TENM3: variants seen among roughly 807,000 people sequenced by gnomAD.
The protein encoded by TENM3 is teneurin-3.
Under a neutral mutation model 255.1 loss-of-function variants are expected in TENM3, and 63 were observed. The ratio of observed to expected loss-of-function variants is 0.25; its 90% CI spans 0.20 to 0.30. The LOEUF is 0.30. TENM3 is among the 10% of genes least tolerant of loss of function. TENM3 has a pLI of 1.00. For synonymous variants in TENM3, 1,306 were observed against 1,322.3 expected (o/e 0.99, Z 0.27); for missense variants, 2,929 against 3,461.1 (o/e 0.85, Z 3.86).
At chr4:181,600,012 A>T in the TENM3 span, among the ~76,000 whole-genome samples, 1 of 152,092 alleles carries the variant, frequency 6.6e-6, no homozygotes, top group Non-Finnish European at 1.5e-5. Context: ...CTTCTAACCC[A>T]CATCCGTGTG....
At chr4:182,767,572 G>A (rs144037667) in intron 22 of TENM3, among the ~76,000 whole-genome samples, 11 of 152,154 alleles carry the variant, frequency 7.2e-5, no homozygotes, top group African/African-American at 2.7e-4. Context: ...TGTATAAAAT[G>A]TGTGTGTGTG....
At chr4:182,417,114 C>T (rs1770432216) in intron 3 of TENM3, among the ~76,000 whole-genome samples, 1 of 152,054 alleles carries the variant, frequency 6.6e-6, no homozygotes, top group Admixed American at 6.5e-5. Flanking sequence ...GCTGGGATTA[C>T]AGGCGCCTGC....
At chr4:182,697,591 A>G (rs1292516029) in intron 12 of TENM3, among the ~76,000 whole-genome samples, 2 of 152,312 alleles carry the variant, frequency 1.3e-5, no homozygotes, top group Non-Finnish European at 2.9e-5. Context: ...AGCCCCCTTC[A>G]GAACTCGGGA....
chr4:182,162,008 A>G (rs1306020045), intron 1 of TENM3, among the ~76,000 whole-genome samples: 1 of 136,756 alleles, frequency 7.3e-6, no homozygotes, highest in African/African-American at 2.7e-5. Context: ...ATGCAAACAT[A>G]CATCCACTAA....
chr4:181,889,397 G>A, the TENM3 span, among the ~76,000 whole-genome samples: 12 of 152,204 alleles, frequency 7.9e-5, 1 homozygote, highest in Admixed American at 7.9e-4. Context: ...GCAGATGCTG[G>A]CACCACCCTG....
At chr4:181,853,755 A>G in the TENM3 span, among the ~76,000 whole-genome samples, 1 of 140,604 alleles carries the variant, frequency 7.1e-6, no homozygotes, top group Non-Finnish European at 1.6e-5. Flanking sequence ...ATACTGGGGG[A>G]AAAAACGGTC....
At chr4:182,357,969 T>C (rs1170084106) in intron 3 of TENM3, among the ~76,000 whole-genome samples, 3 of 150,230 alleles carry the variant, frequency 2.0e-5, no homozygotes, top group Admixed American at 6.6e-5. Context: ...ATTTATTAAA[T>C]AGGGAATCCT....
chr4:181,622,303 A>C, the TENM3 span, among the ~76,000 whole-genome samples: 6 of 152,140 alleles, frequency 3.9e-5, no homozygotes, highest in African/African-American at 1.4e-4. Context: ...GTACTCACCA[A>C]ACACAATACT....
intron 3 of TENM3, among the ~76,000 whole-genome samples, chr4:182,362,146 T>C (rs1766046069): frequency 6.6e-6 from 1 of 152,122 alleles, no homozygotes; most frequent in East Asian, 1.9e-4. Context: ...TGCCTCCCAG[T>C]TAGGCTGCTC....
chr4:181,569,304 A>T, the TENM3 span, among the ~76,000 whole-genome samples: 2 of 152,142 alleles, frequency 1.3e-5, no homozygotes, highest in Non-Finnish European at 2.9e-5. Flanking sequence ...CGTTGATTTC[A>T]AGTGGACTAT....
At chr4:182,696,432 A>T (rs1757416513) in intron 12 of TENM3, among the ~76,000 whole-genome samples, 3 of 152,220 alleles carry the variant, frequency 2.0e-5, no homozygotes. Flanking sequence ...CACTGAATAA[A>T]AAATGGATAT....
the TENM3 span, among the ~76,000 whole-genome samples, chr4:181,666,613 TAATAAA>T: frequency 3.9e-5 from 6 of 152,194 alleles, no homozygotes; most frequent in Non-Finnish European, 8.8e-5. Context: ...AAGGGGTACA[TAATAAA>T]AATGTACTAC....
the TENM3 span, among the ~76,000 whole-genome samples, chr4:181,524,483 G>T: frequency 6.6e-6 from 1 of 152,310 alleles, no homozygotes; most frequent in South Asian, 2.1e-4. Flanking sequence ...TATGAGTAAA[G>T]AGGCTATTTG....
At chr4:182,599,871 C>CCACACA (rs1197549782) in intron 3 of TENM3, among the ~76,000 whole-genome samples, 2 of 152,132 alleles carry the variant, frequency 1.3e-5, no homozygotes, top group African/African-American at 2.4e-5. Context: ...GTGTGTGGAA[C>CCACACA]CATATCAGTT....
At chr4:182,324,529 G>A (rs1763270450) in intron 2 of TENM3, among the ~76,000 whole-genome samples, 2 of 152,316 alleles carry the variant, frequency 1.3e-5, no homozygotes, top group African/African-American at 4.8e-5. Context: ...TGGCCCAAGC[G>A]TTTGTACAAA....
intron 1 of TENM3, among the ~76,000 whole-genome samples, chr4:182,282,157 A>C (rs550492090): frequency 6.6e-6 from 1 of 152,364 alleles, no homozygotes; most frequent in Non-Finnish European, 1.5e-5. Flanking sequence ...AGCAACATTT[A>C]GAAAATGCTT....
intron 16 of TENM3, among the ~76,000 whole-genome samples, 171 bp from the exon 17 acceptor site, chr4:182,736,632 GTTTTA>G (rs1489818445): frequency 6.6e-5 from 10 of 152,108 alleles, no homozygotes; most frequent in East Asian, 1.9e-4. Context: ...ATTCTTTTGT[GTTTTA>G]TTTTAGTTGC....
At position 182,619,252 on chromosome 4, in the gene TENM3, C is replaced by T. The variant is rs371337902; in HGVS notation, c.750-9399C>T. The stretch of plus-strand genomic sequence containing the variant: ...ACCATCCTGGCCAACATGGTGAAAC[C>T]CTGTCTCTACTAAAAATAATTAAAA... On this transcript the variant is annotated intron_variant, in intron 4 of 27. Coordinates refer to ENST00000511685, the MANE Select transcript of TENM3 (RefSeq NM_001080477.4). Among the ~76,000 whole-genome samples the T allele has an allele frequency of 2.9e-4, 44 of 151,964 alleles. 1 individual carries two copies. The South Asian group carries it at 8.7e-3, about 30-fold the overall frequency.
At chr4:182,061,267 A>G in the TENM3 span, among the ~76,000 whole-genome samples, 3 of 152,120 alleles carry the variant, frequency 2.0e-5, no homozygotes, top group Admixed American at 6.6e-5. Flanking sequence ...AATGACCTAC[A>G]TAAGGTAGTC....
Sources: gnomAD v4.1 joint callset for allele counts (sites outside exome capture counted in the v4.1 genomes callset) on GRCh38, gnomAD v4.1.1 for gene constraint, MANE v1.5 for transcripts, NCBI Gene and HGNC (gene_info 2026-07-23, HGNC 2026-07-21) for gene names.